Variants in SHB observed in about 807,000 individuals in gnomAD.
The protein encoded by SHB is SH2 domain-containing adapter protein B.
In SHB, 20 loss-of-function variants were observed where a neutral mutation model predicts 52.3. The ratio of observed to expected loss-of-function variants is 0.38; its 90% CI spans 0.27 to 0.56. SHB has a LOEUF of 0.56. Ranked by LOEUF, SHB falls within the 20% of genes least tolerant of loss-of-function variation. The pLI, the probability that SHB is intolerant of heterozygous loss-of-function variation, is 0.71. For missense variants in SHB, 825 were observed against 723.3 expected (o/e 1.14, Z -1.61); for synonymous variants, 397 against 316.5 (o/e 1.25, Z -2.70).
intron 1 of SHB, among the ~76,000 whole-genome samples, chr9:38,043,011 C>A (rs753991911): frequency 6.6e-6 from 1 of 152,188 alleles, no homozygotes; most frequent in African/African-American, 2.4e-5. Flanking sequence ...CCTTTCTCAC[C>A]AGACCCAACT....
At chr9:38,015,660 G>A (rs927099093) in intron 2 of SHB, among the ~76,000 whole-genome samples, 27 of 152,210 alleles carry the variant, frequency 1.8e-4, no homozygotes, top group Non-Finnish European at 1.5e-5. Flanking sequence ...GAAGCTCTAA[G>A]TAAAGTTTTA....
intron 5 of SHB, among the ~76,000 whole-genome samples, chr9:37,930,228 A>G (rs1401334913): frequency 6.6e-6 from 1 of 152,224 alleles, no homozygotes; most frequent in Non-Finnish European, 1.5e-5. Context: ...CACCAACCAG[A>G]TACTCTGAGA....
intron 2 of SHB, among the ~76,000 whole-genome samples, chr9:37,997,546 G>C (rs77528835): frequency 2.9e-3 from 435 of 152,328 alleles, no homozygotes; most frequent in Middle Eastern, 6.8e-3. Context: ...TCAGACCTGA[G>C]TCCACATCCA....
chr9:37,958,465 T>C (rs781504553), intron 3 of SHB, among the ~76,000 whole-genome samples: 3 of 152,188 alleles, frequency 2.0e-5, no homozygotes, highest in Non-Finnish European at 4.4e-5. Flanking sequence ...GAAAGCAGCA[T>C]GGAGGCCATG....
intron 5 of SHB, among the ~76,000 whole-genome samples, chr9:37,939,996 G>A (rs1832417242): frequency 6.6e-6 from 1 of 152,204 alleles, no homozygotes; most frequent in Non-Finnish European, 1.5e-5. Flanking sequence ...GTAAACAGAG[G>A]GCTCAGAGAA....
chr9:37,939,115 G>A (rs1446438585), intron 5 of SHB, among the ~76,000 whole-genome samples: 6 of 152,158 alleles, frequency 3.9e-5, no homozygotes. Flanking sequence ...CACACACCCA[G>A]GGCCAGATAG....
intron 2 of SHB, among the ~76,000 whole-genome samples, chr9:38,000,525 G>A (rs1433682893): frequency 2.0e-5 from 3 of 152,184 alleles, no homozygotes; most frequent in Non-Finnish European, 4.4e-5. Context: ...CAGGGGGCGG[G>A]GGCATTCTCC....
intron 5 of SHB, among the ~76,000 whole-genome samples, chr9:37,944,683 C>A (rs1832472330): frequency 6.6e-6 from 1 of 152,178 alleles, no homozygotes; most frequent in African/African-American, 2.4e-5. Context: ...TCACTGAGAA[C>A]TGCATCTCAA....
At chr9:38,053,610 C>T (rs947017526) in intron 1 of SHB, among the ~76,000 whole-genome samples, 2 of 152,044 alleles carry the variant, frequency 1.3e-5, no homozygotes, top group Non-Finnish European at 2.9e-5. Context: ...ACCTCAAGCT[C>T]TTAGAACAGA....
intron 3 of SHB, among the ~76,000 whole-genome samples, chr9:37,957,378 A>G (rs1832648080): frequency 6.6e-6 from 1 of 152,244 alleles, no homozygotes; most frequent in Admixed American, 6.5e-5. Context: ...GCTGAAACCG[A>G]GGAGCGTGAT....
chr9:37,919,762 G>A lies in SHB; in HGVS notation c.*59C>T, dbSNP rs900942334. ...AACAGTGGCTGGGCTGGTTGGTGGG[G>A]GGCCTCTGGCACCTCCAAGTCTCAG... On this transcript the variant is annotated 3_prime_UTR_variant, in exon 6 of 6. Transcript: ENST00000377707. The A allele has an allele frequency of 2.8e-6, 4 of 1,413,926 alleles. No individual in the cohort carries two copies. The African/African-American group carries it at 5.7e-5, about 20-fold the overall frequency. The allele number at this position is 1,413,926 out of a possible 1,614,324, so 87.6% of individuals were successfully genotyped here. A position where few individuals can be genotyped will look rare whatever the true frequency, so the allele number is the denominator to read the frequency against.
chr9:37,978,717 G>T (rs546037298), intron 2 of SHB, among the ~76,000 whole-genome samples: 19 of 152,162 alleles, frequency 1.2e-4, no homozygotes, highest in Non-Finnish European at 2.6e-4. Context: ...CAGCAACGTT[G>T]TAAGTACAGA....
chr9:37,983,363 T>G (rs771025911), intron 2 of SHB, among the ~76,000 whole-genome samples: 2 of 152,170 alleles, frequency 1.3e-5, no homozygotes, highest in East Asian at 3.9e-4. Context: ...GGCTGGGGAC[T>G]GACAGGTACC....
At chr9:37,989,304 G>A (rs866436788) in intron 2 of SHB, among the ~76,000 whole-genome samples, 1 of 152,076 alleles carries the variant, frequency 6.6e-6, no homozygotes, top group Non-Finnish European at 1.5e-5. Flanking sequence ...AGAGGGATCC[G>A]TCTGCCCCTT....
intron 2 of SHB, among the ~76,000 whole-genome samples, chr9:38,012,477 C>T (rs956655866): frequency 3.3e-5 from 5 of 151,650 alleles, no homozygotes; most frequent in African/African-American, 1.2e-4. Context: ...TACTAGAGAG[C>T]TTACCAGCTG....
intron 1 of SHB, among the ~76,000 whole-genome samples, chr9:38,032,891 C>G (rs553446534): frequency 6.6e-5 from 10 of 152,242 alleles, no homozygotes; most frequent in African/African-American, 2.4e-4. Flanking sequence ...GAGGGAATGA[C>G]AGCCAGAAGG....
intron 1 of SHB, among the ~76,000 whole-genome samples, chr9:38,026,788 G>C (rs967139392): frequency 1.3e-5 from 2 of 152,224 alleles, no homozygotes; most frequent in African/African-American, 4.8e-5. Flanking sequence ...GGAAACTTAG[G>C]GTGGCTAGGG....
At chr9:38,031,760 GC>G (rs1345093914) in intron 1 of SHB, among the ~76,000 whole-genome samples, 1 of 152,180 alleles carries the variant, frequency 6.6e-6, no homozygotes, top group Non-Finnish European at 1.5e-5. Flanking sequence ...ATTTATTAAT[GC>G]ACATTGTAAA....
chr9:37,947,452 C>T (rs371751228), intron 5 of SHB, among the ~76,000 whole-genome samples: 3 of 152,240 alleles, frequency 2.0e-5, no homozygotes, highest in African/African-American at 7.2e-5. Context: ...CATCAGCTCC[C>T]TCTGCCCTGA....
Sources: allele counts gnomAD v4.1 joint callset (sites outside exome capture counted in the v4.1 genomes callset), GRCh38; gene constraint gnomAD v4.1.1; transcripts MANE v1.5; gene names NCBI Gene and HGNC (gene_info 2026-07-23, HGNC 2026-07-21).